CLIP1: variants seen among roughly 807,000 people sequenced by gnomAD.
The protein encoded by CLIP1 is CAP-Gly domain containing linker protein 1.
In CLIP1, 66 loss-of-function variants were observed where a neutral mutation model predicts 161.6. The observed-to-expected ratio is 0.41, with a 90% CI of 0.33 to 0.50. The LOEUF is 0.50. CLIP1 is among the 20% of genes least tolerant of loss of function. The pLI is 0.27. For missense variants in CLIP1, 1,376 were observed against 1,702.0 expected (o/e 0.81, Z 3.37); for synonymous variants, 598 against 626.2 (o/e 0.96, Z 0.67).
intron 24 of CLIP1, 29 bp downstream of exon 24, chr12:122,278,125 A>C: frequency 6.3e-7 from 1 of 1,592,188 alleles, no homozygotes. Context: ...AAACAGCAAG[A>C]AAGTAAAGCA....
chr12:122,282,339 TG>T (rs1175235429), intron 21 of CLIP1, among the ~76,000 whole-genome samples: 4 of 151,772 alleles, frequency 2.6e-5, no homozygotes, highest in African/African-American at 4.9e-5. Flanking sequence ...AGCCATTAGC[TG>T]GAATGACTTG....
intron 4 of CLIP1, among the ~76,000 whole-genome samples, chr12:122,362,012 G>T (rs1351622178): frequency 6.6e-6 from 1 of 151,258 alleles, no homozygotes; most frequent in African/African-American, 2.4e-5. Flanking sequence ...GGAGTGCAGC[G>T]GCGCAATCTC....
chr12:122,289,582 A>T (rs1956010512), intron 20 of CLIP1, among the ~76,000 whole-genome samples: 1 of 152,178 alleles, frequency 6.6e-6, no homozygotes, highest in Non-Finnish European at 1.5e-5. Context: ...TTCAACACAC[A>T]TTCATTGAAT....
intron 20 of CLIP1, among the ~76,000 whole-genome samples, chr12:122,295,569 A>G (rs1042328243): frequency 2.6e-5 from 4 of 152,150 alleles, no homozygotes; most frequent in African/African-American, 9.7e-5. Context: ...GCACTTGAGA[A>G]GTGTGTGTCT....
intron 20 of CLIP1, among the ~76,000 whole-genome samples, chr12:122,303,611 C>A (rs1238951259): frequency 6.6e-6 from 1 of 152,166 alleles, no homozygotes; most frequent in Non-Finnish European, 1.5e-5. Context: ...CTCACTCTAC[C>A]TGAACACAGG....
chr12:122,341,546 C>G lies in CLIP1; in HGVS notation c.1658G>C (p.Ser553Thr), dbSNP rs903199739. The change falls in exon 11 of 26, where the codon AGC (serine) becomes ACC (threonine). Residue 553 changes from serine to threonine, a missense_variant. Physicochemically the swap from Ser to Thr is moderately conservative, Grantham distance 58. This residue lies in a region of CLIP1 where 948 missense variants were observed against 1,134.8 expected (regional missense o/e 0.84). Coordinates refer to ENST00000620786, the MANE Select transcript of CLIP1 (RefSeq NM_001247997.2). ...GACTTCTAACTTTTCTTGCAAAGAG[C>G]TTATCTCTTGCAAAAGGGAAAGTGA... is the stretch of plus-strand genomic sequence containing the variant. Reference protein sequence around the residue: ...DMSLSLLQEISSLQEKLEVTR... With the variant: ...DMSLSLLQEITSLQEKLEVTR... 1 of 1,614,036 alleles carries G rather than the reference C, an allele frequency of 6.2e-7. No individual in the cohort carries two copies. The highest frequency in any genetic ancestry group is 1.3e-5 in the African/African-American group (1 of 75,010).
At chr12:122,411,939 T>C (rs1230241011) in intron 1 of CLIP1, among the ~76,000 whole-genome samples, 3 of 152,172 alleles carry the variant, frequency 2.0e-5, no homozygotes, top group South Asian at 2.1e-4. Context: ...AACCACTGAA[T>C]TGTATACTTT....
intron 9 of CLIP1, 148 bp from the exon 10 acceptor site, chr12:122,347,627 G>A: frequency 1.6e-6 from 1 of 634,006 alleles, no homozygotes; most frequent in Admixed American, 2.2e-5. Context: ...AAGAGGTGGA[G>A]GTGAGATGAG....
At chr12:122,276,642 G>T in intron 24 of CLIP1, 2 of 360,654 alleles carry the variant, frequency 5.5e-6, no homozygotes, top group South Asian at 2.6e-5. Context: ...CTCAAGGTGA[G>T]TTTTTCTTTT....
At chr12:122,397,824 G>A (rs1018846091) in intron 1 of CLIP1, among the ~76,000 whole-genome samples, 4 of 151,510 alleles carry the variant, frequency 2.6e-5, no homozygotes, top group Non-Finnish European at 4.4e-5. Context: ...GAGTGGAGGC[G>A]CATGCCTGTA....
At chr12:122,357,932 G>GA (rs1953558163) in intron 5 of CLIP1, among the ~76,000 whole-genome samples, 1 of 152,114 alleles carries the variant, frequency 6.6e-6, no homozygotes, top group Admixed American at 6.5e-5. Flanking sequence ...CCCCGTCTGG[G>GA]AGGTGTACCC....
chr12:122,334,958 T>C (rs535197758), intron 12 of CLIP1, among the ~76,000 whole-genome samples: 3 of 152,314 alleles, frequency 2.0e-5, no homozygotes, highest in Admixed American at 6.5e-5. Flanking sequence ...AGCATGCCCA[T>C]GTAGGCATGT....
At chr12:122,335,390 G>T (rs1274107808) in intron 12 of CLIP1, among the ~76,000 whole-genome samples, 1 of 151,814 alleles carries the variant, frequency 6.6e-6, no homozygotes, top group African/African-American at 2.4e-5. Context: ...CCAGACTCAA[G>T]GTGGCATGTC....
At chr12:122,292,022 C>T (rs761113668) in intron 20 of CLIP1, among the ~76,000 whole-genome samples, 10 of 152,050 alleles carry the variant, frequency 6.6e-5, no homozygotes, top group African/African-American at 1.7e-4. Context: ...GACAGAGTCT[C>T]GCTCTGTCAC....
At chr12:122,367,930 A>C (rs1490536570) in intron 3 of CLIP1, among the ~76,000 whole-genome samples, 1 of 152,198 alleles carries the variant, frequency 6.6e-6, no homozygotes, top group Non-Finnish European at 1.5e-5. Flanking sequence ...GTGAGCTATG[A>C]TCATGACACT....
At chr12:122,383,693 C>A (rs1223971063) in intron 1 of CLIP1, among the ~76,000 whole-genome samples, 1 of 152,118 alleles carries the variant, frequency 6.6e-6, no homozygotes, top group Non-Finnish European at 1.5e-5. Context: ...TAATGACTGG[C>A]ATGTCAGGCT....
chr12:122,415,967 C>T (rs563228683), intron 1 of CLIP1, among the ~76,000 whole-genome samples: 17 of 152,168 alleles, frequency 1.1e-4, no homozygotes, highest in Admixed American at 9.8e-4. Context: ...GGGCCTGGCA[C>T]GGTGGCTCAT....
At chr12:122,352,195 T>C (rs1412520710) in intron 8 of CLIP1, among the ~76,000 whole-genome samples, 3 of 151,780 alleles carry the variant, frequency 2.0e-5, no homozygotes, top group African/African-American at 7.3e-5. Context: ...GTAGCTGGGA[T>C]TACAGGCACC....
intron 1 of CLIP1, among the ~76,000 whole-genome samples, chr12:122,398,408 G>A (rs1248418906): frequency 6.9e-6 from 1 of 145,572 alleles, no homozygotes; most frequent in Non-Finnish European, 1.5e-5. Context: ...CTGGGCGACA[G>A]AATGAGACTC....
Sources: gnomAD v4.1 joint callset for allele counts (sites outside exome capture counted in the v4.1 genomes callset) on GRCh38, gnomAD v4.1.1 for gene constraint, gnomAD v4.1.1 regional missense constraint, MANE v1.5 for transcripts, NCBI Gene and HGNC (gene_info 2026-07-23, HGNC 2026-07-21) for gene names.